MALRD1: variants seen among roughly 807,000 people sequenced by gnomAD.
MALRD1 encodes the protein MAM and LDL-receptor class A domain-containing protein 1.
MALRD1 carries 247 observed loss-of-function variants against 242.1 expected under a neutral mutation model. The observed-to-expected ratio is 1.02, with a 90% CI of 0.92 to 1.13. MALRD1 has a LOEUF of 1.13. Among genes scored for constraint, MALRD1 ranks in the 50% most tolerant of loss-of-function variants. The pLI is 0.00. For synonymous variants in MALRD1, 995 were observed against 866.6 expected (o/e 1.15, Z -2.60); for missense variants, 2,989 against 2,533.1 (o/e 1.18, Z -3.86).
rs560115175 is a variant in MALRD1, at chr10:19,615,739, A to T, written c.6071-118A>T. The T allele has an allele frequency of 1.3e-4, 110 of 835,220 alleles. 1 individual carries two copies. The highest frequency in any genetic ancestry group is 9.3e-5 in the Non-Finnish European group (52 of 561,640). The allele number at this position is 835,220 out of a possible 1,614,324, so 51.7% of individuals were successfully genotyped here. On this transcript the variant is annotated intron_variant, in intron 35 of 39. Coordinates refer to ENST00000454679, the MANE Select transcript of MALRD1 (RefSeq NM_001142308.3). ...TATGGGAATTCTTTTGCTTTTTGCA[A>T]CTGGAAAGGAATTTACTCTTAGAGA... is the stretch of plus-strand genomic sequence containing the variant.
chr10:19,593,451 C>G (rs1353549353), intron 33 of MALRD1, among the ~76,000 whole-genome samples: 3 of 152,166 alleles, frequency 2.0e-5, no homozygotes, highest in Non-Finnish European at 4.4e-5. Context: ...GCTATATCAT[C>G]TTTACATATA....
At chr10:19,367,319 G>A (rs898924132) in intron 26 of MALRD1, among the ~76,000 whole-genome samples, 20 of 151,926 alleles carry the variant, frequency 1.3e-4, no homozygotes, top group African/African-American at 3.6e-4. Context: ...TTACTTCTAG[G>A]CGATCAACTT....
chr10:19,319,826 CAT>C lies in MALRD1; in HGVS notation c.3420-4122_3420-4121del, dbSNP rs1257184963. Among the ~76,000 whole-genome samples the C allele has an allele frequency of 6.6e-5, 10 of 152,150 alleles. No homozygotes were observed. The South Asian group carries it at 1.5e-3, about 22-fold the overall frequency. ...ATCACCTTTGTATTTAGGAGTTCAA[CAT>C]GTGAATTTGGGGGGAACACAAATGT... On this transcript the variant is annotated intron_variant, in intron 21 of 39. Transcript: ENST00000454679.
intron 21 of MALRD1, among the ~76,000 whole-genome samples, chr10:19,320,909 T>G (rs1325515560): frequency 6.6e-6 from 1 of 152,100 alleles, no homozygotes; most frequent in Non-Finnish European, 1.5e-5. Context: ...GTGCCTACTT[T>G]TTGATGGGGT....
At chr10:19,227,057 T>C (rs2131681504) in intron 18 of MALRD1, among the ~76,000 whole-genome samples, 1 of 152,188 alleles carries the variant, frequency 6.6e-6, no homozygotes, top group South Asian at 2.1e-4. Context: ...TATGTAATAC[T>C]TATTAGATGA....
At chr10:19,584,218 A>C (rs1214869303) in intron 33 of MALRD1, among the ~76,000 whole-genome samples, 1 of 151,324 alleles carries the variant, frequency 6.6e-6, no homozygotes, top group East Asian at 1.9e-4. Flanking sequence ...TTGTGTCTCT[A>C]TTTCCTTCAG....
chr10:19,383,914 T>C (rs1247739426), intron 26 of MALRD1, among the ~76,000 whole-genome samples: 1 of 151,890 alleles, frequency 6.6e-6, no homozygotes, highest in East Asian at 1.9e-4. Context: ...AGTGCTATGA[T>C]ATGGGAAGTG....
At chr10:19,209,935 T>G (rs1171486719) in intron 18 of MALRD1, among the ~76,000 whole-genome samples, 5 of 152,180 alleles carry the variant, frequency 3.3e-5, no homozygotes, top group Admixed American at 3.3e-4. Flanking sequence ...CCTTCCAATT[T>G]CAAGTAATTG....
intron 1 of MALRD1, among the ~76,000 whole-genome samples, chr10:19,061,964 G>A (rs755181869): frequency 3.3e-5 from 5 of 151,754 alleles, no homozygotes; most frequent in Non-Finnish European, 5.9e-5. Context: ...TCAAAGGACA[G>A]TATCAACAGA....
intron 36 of MALRD1, among the ~76,000 whole-genome samples, chr10:19,649,742 G>C (rs141825271): frequency 8.6e-4 from 130 of 151,972 alleles, no homozygotes; most frequent in African/African-American, 3.1e-3. Context: ...AGATACCATT[G>C]GTCAATTTTT....
At chr10:19,356,086 C>T (rs1170454768) in intron 26 of MALRD1, among the ~76,000 whole-genome samples, 1 of 151,254 alleles carries the variant, frequency 6.6e-6, no homozygotes, top group Non-Finnish European at 1.5e-5. Flanking sequence ...CTAGAAATGG[C>T]TCCCAGAATT....
intron 29 of MALRD1, among the ~76,000 whole-genome samples, chr10:19,469,838 T>C (rs185707874): frequency 1.4e-3 from 211 of 152,164 alleles, no homozygotes; most frequent in African/African-American, 4.5e-3. Context: ...TGTATACAAC[T>C]CAATGTGTTT....
chr10:19,202,626 G>T (rs1173070995), intron 14 of MALRD1, among the ~76,000 whole-genome samples: 1 of 151,976 alleles, frequency 6.6e-6, no homozygotes, highest in East Asian at 1.9e-4. Flanking sequence ...ATTTTACAAG[G>T]GTGTGTCTAT....
intron 28 of MALRD1, among the ~76,000 whole-genome samples, chr10:19,393,632 A>AGAGACAGAG (rs1846439838): frequency 9.4e-6 from 1 of 105,960 alleles, no homozygotes; most frequent in South Asian, 2.9e-4. Flanking sequence ...TTTTTTTTGT[A>AGAGACAGAG]TTTTTAGTAG....
chr10:19,625,588 T>C (rs1839617221), intron 36 of MALRD1, among the ~76,000 whole-genome samples: 1 of 152,096 alleles, frequency 6.6e-6, no homozygotes, highest in African/African-American at 2.4e-5. Flanking sequence ...CACTGCTAAC[T>C]AACTCCATGA....
At chr10:19,223,997 T>A (rs1347088476) in intron 18 of MALRD1, among the ~76,000 whole-genome samples, 6 of 152,350 alleles carry the variant, frequency 3.9e-5, no homozygotes, top group African/African-American at 1.4e-4. Context: ...TGAATAGTGC[T>A]GCAGTAAACA....
chr10:19,171,847 CACAT>C (rs1473172901), intron 13 of MALRD1, among the ~76,000 whole-genome samples: 1 of 141,866 alleles, frequency 7.0e-6, no homozygotes, highest in Non-Finnish European at 1.5e-5. Flanking sequence ...CACATATATA[CACAT>C]ACATATATAT....
intron 2 of MALRD1, among the ~76,000 whole-genome samples, chr10:19,075,795 A>C (rs1311696218): frequency 6.6e-6 from 1 of 152,094 alleles, no homozygotes. Context: ...GCTGTGAGAT[A>C]ATACATTTGT....
At chr10:19,119,157 A>G (rs1190125469) in intron 5 of MALRD1, among the ~76,000 whole-genome samples, 1 of 152,110 alleles carries the variant, frequency 6.6e-6, no homozygotes, top group East Asian at 1.9e-4. Context: ...GAAAGAGATG[A>G]GTCATGGAAG....
Sources: allele counts gnomAD v4.1 joint callset (sites outside exome capture counted in the v4.1 genomes callset), GRCh38; gene constraint gnomAD v4.1.1; transcripts MANE v1.5; gene names NCBI Gene and HGNC (gene_info 2026-07-23, HGNC 2026-07-21).